The following PAPPA2 variants were observed in gnomAD, a reference collection of about 807,000 sequenced individuals.
PAPPA2 encodes pappalysin-2.
In PAPPA2, 86 loss-of-function variants were observed where a neutral mutation model predicts 176.4. The observed-to-expected ratio is 0.49, with a 90% CI of 0.41 to 0.58. The LOEUF (loss-of-function observed/expected upper bound fraction) is 0.58. Ranked by LOEUF, PAPPA2 falls within the 20% of genes least tolerant of loss-of-function variation. The pLI is 0.00. For missense variants in PAPPA2, 2,073 were observed against 2,256.9 expected (o/e 0.92, Z 1.65); for synonymous variants, 809 against 852.2 (o/e 0.95, Z 0.88).
At chr1:176,833,275 A>T (rs1450547437) in intron 21 of PAPPA2, among the ~76,000 whole-genome samples, 3 of 152,216 alleles carry the variant, frequency 2.0e-5, no homozygotes, top group Admixed American at 1.3e-4. Context: ...TAGACTTCAG[A>T]GCTGGTAGGC....
intron 3 of PAPPA2, among the ~76,000 whole-genome samples, chr1:176,638,582 G>A (rs544357081): frequency 1.8e-4 from 28 of 152,086 alleles, no homozygotes; most frequent in Admixed American, 7.2e-4. Flanking sequence ...CAGGAAAGAG[G>A]GAAGACTGAA....
At chr1:176,741,683 G>A (rs951265933) in intron 14 of PAPPA2, among the ~76,000 whole-genome samples, 2 of 152,136 alleles carry the variant, frequency 1.3e-5, no homozygotes, top group African/African-American at 4.8e-5. Context: ...TACATGCCAG[G>A]TATTGTTCTA....
chr1:176,606,861 G>A (rs10913216), intron 3 of PAPPA2, among the ~76,000 whole-genome samples: 11,348 of 152,104 alleles, frequency 0.075, 500 homozygotes, highest in East Asian at 0.21. Context: ...AACATGTTAA[G>A]GCCACTCTAA....
At chr1:176,651,789 G>C (rs1032364628) in intron 3 of PAPPA2, among the ~76,000 whole-genome samples, 1 of 151,210 alleles carries the variant, frequency 6.6e-6, no homozygotes, top group Non-Finnish European at 1.5e-5. Context: ...GGTCTTTTGA[G>C]ATAATTTTCT....
At chr1:176,690,580 T>C in intron 5 of PAPPA2, 150 bp downstream of exon 5, 1 of 1,417,696 alleles carries the variant, frequency 7.1e-7, no homozygotes, top group East Asian at 2.5e-5. Flanking sequence ...GGTATTATTA[T>C]TTTTTCATGT....
intron 6 of PAPPA2, among the ~76,000 whole-genome samples, chr1:176,694,271 G>A (rs1029686716): frequency 2.6e-5 from 4 of 152,204 alleles, no homozygotes; most frequent in Admixed American, 6.5e-5. Flanking sequence ...TCAGAGGTTG[G>A]ATCTTAACTA....
chr1:176,485,136 C>A (rs1284769553), intron 1 of PAPPA2, among the ~76,000 whole-genome samples: 2 of 152,164 alleles, frequency 1.3e-5, no homozygotes, highest in African/African-American at 4.8e-5. Context: ...AATCTTCTGG[C>A]CTTTTTATTA....
intron 1 of PAPPA2, among the ~76,000 whole-genome samples, chr1:176,514,445 G>A (rs543682747): frequency 2.0e-5 from 3 of 152,236 alleles, no homozygotes; most frequent in South Asian, 2.1e-4. Context: ...AAATTTCAAC[G>A]TGGATTTGGA....
In PAPPA2 at chr1:176,556,146, G is replaced by C. The variant is rs945382110; in HGVS notation, c.-177G>C. ...AGAAGCCACACTGGCAGAGCGGCCA[G>C]CACAGGTAGCCAGCAGAGGCATTCT... On this transcript the variant is annotated 5_prime_UTR_variant, in exon 2 of 23. Coordinates refer to ENST00000367662, the MANE Select transcript of PAPPA2 (RefSeq NM_020318.3). 3 of 726,574 alleles carry C rather than the reference G, an allele frequency of 4.1e-6. No individual in the cohort carries two copies. The highest frequency in any genetic ancestry group is 5.7e-5 in the Admixed American group (2 of 35,380). The allele number at this position is 726,574 out of a possible 1,614,324, so 45.0% of individuals were successfully genotyped here.
rs77811080 is a variant in PAPPA2 at position 176,572,437 on chromosome 1, C to T, written c.919+15196C>T. 4.2e-3 allele frequency among the ~76,000 whole-genome samples: 644 copies of T among 152,236 alleles called. 6 individuals carry two copies. The highest frequency in any genetic ancestry group is 0.014 in the African/African-American group (599 of 41,538). ...TGGGTTCAATTTGAGAACACACAGACTGTTTCCTCTAGTTTCCTCTCAGAC... is the reference window on the plus strand; with the variant it reads ...TGGGTTCAATTTGAGAACACACAGATTGTTTCCTCTAGTTTCCTCTCAGAC... On this transcript the variant is annotated intron_variant, in intron 2 of 22. Transcript: ENST00000367662.
chr1:176,801,187 C>G (rs1665670409), intron 21 of PAPPA2, among the ~76,000 whole-genome samples: 1 of 151,964 alleles, frequency 6.6e-6, no homozygotes, highest in African/African-American at 2.4e-5. Context: ...GTCTCAGTCA[C>G]AACAGGTTTT....
At chr1:176,546,170 G>C (rs998604754) in intron 1 of PAPPA2, among the ~76,000 whole-genome samples, 2 of 152,186 alleles carry the variant, frequency 1.3e-5, no homozygotes, top group Admixed American at 6.5e-5. Flanking sequence ...GTCTAGGGCT[G>C]CTTCCTGGAC....
chr1:176,530,075 A>G (rs1236123940), intron 1 of PAPPA2, among the ~76,000 whole-genome samples: 2 of 152,176 alleles, frequency 1.3e-5, no homozygotes, highest in African/African-American at 4.8e-5. Context: ...GGGCCACAAG[A>G]GAAGATAAAT....
At chr1:176,755,263 A>T (rs1187831621) in intron 14 of PAPPA2, among the ~76,000 whole-genome samples, 2 of 152,150 alleles carry the variant, frequency 1.3e-5, no homozygotes, top group African/African-American at 4.8e-5. Context: ...GGGGCCCCAC[A>T]GGTGTTTTAT....
At chr1:176,757,289 T>C (rs1663475190) in intron 14 of PAPPA2, among the ~76,000 whole-genome samples, 1 of 152,238 alleles carries the variant, frequency 6.6e-6, no homozygotes, top group African/African-American at 2.4e-5. Context: ...CACACTGTCT[T>C]CCACAATGGT....
At chr1:176,775,136 C>G (rs1260184562) in intron 17 of PAPPA2, among the ~76,000 whole-genome samples, 3 of 152,166 alleles carry the variant, frequency 2.0e-5, no homozygotes, top group Non-Finnish European at 4.4e-5. Flanking sequence ...CTGATGATAT[C>G]ACTTATCTCA....
chr1:176,619,991 TATC>T (rs1655492910), intron 3 of PAPPA2, among the ~76,000 whole-genome samples: 1 of 152,204 alleles, frequency 6.6e-6, no homozygotes, highest in Non-Finnish European at 1.5e-5. Context: ...TATGACAAGC[TATC>T]ATAATATAGG....
chr1:176,772,725 T>A (rs1664290038), intron 17 of PAPPA2, among the ~76,000 whole-genome samples: 1 of 152,134 alleles, frequency 6.6e-6, no homozygotes, highest in South Asian at 2.1e-4. Context: ...AAGAGCACAT[T>A]TGCATGTGAT....
At chr1:176,592,119 A>C (rs1573091507) in intron 2 of PAPPA2, among the ~76,000 whole-genome samples, 1 of 152,222 alleles carries the variant, frequency 6.6e-6, no homozygotes, top group African/African-American at 2.4e-5. Context: ...CTATTTGCTA[A>C]GTATGCCTTT....
Sources: allele counts gnomAD v4.1 joint callset (sites outside exome capture counted in the v4.1 genomes callset), GRCh38; gene constraint gnomAD v4.1.1; transcripts MANE v1.5; gene names NCBI Gene and HGNC (gene_info 2026-07-23, HGNC 2026-07-21).